The following ATXN10 variants were observed in gnomAD, a reference collection of about 807,000 sequenced individuals.
The protein encoded by ATXN10 is ataxin-10.
A neutral mutation model predicts 52.9 loss-of-function variants in ATXN10; 28 were observed. The observed-to-expected ratio is 0.53, with a 90% confidence interval of 0.39 to 0.73. The LOEUF (loss-of-function observed/expected upper bound fraction) is 0.73. ATXN10 is among the 30% of genes least tolerant of loss of function. The pLI is 0.00. For missense variants in ATXN10, 565 were observed against 577.0 expected (o/e 0.98, Z 0.21); for synonymous variants, 226 against 221.5 (o/e 1.02, Z -0.18).
In ATXN10 at chr22:45,780,408, G is replaced by GGT. The variant is rs1247061228; in HGVS notation, c.1174-26547_1174-26546dup. ...GGACTGTTTGCTCTCATGAGAGCAG[G>GGT]GTGTGAAAGCCCCCTTGTTGCCTGT... On this transcript the variant is annotated intron_variant, in intron 9 of 11. Transcript: ENST00000252934. The surrounding 1 kb of genome is among the most constrained non-coding windows in gnomAD (Gnocchi z 4.0). 6.6e-6 allele frequency among the ~76,000 whole-genome samples: 1 copy of GGT among 152,180 alleles called. No homozygotes were observed. The highest frequency in any genetic ancestry group is 2.4e-5 in the African/African-American group (1 of 41,442).
At chr22:45,812,503 A>G (rs1366900128) in intron 10 of ATXN10, among the ~76,000 whole-genome samples, 1 of 152,204 alleles carries the variant, frequency 6.6e-6, no homozygotes, top group Non-Finnish European at 1.5e-5. Flanking sequence ...TTCTAAGCTC[A>G]AGAGAAATGT....
chr22:45,798,359 A>G (rs915323041), intron 9 of ATXN10, among the ~76,000 whole-genome samples: 1 of 152,246 alleles, frequency 6.6e-6, no homozygotes, highest in Non-Finnish European at 1.5e-5. Context: ...TCAGCCGTGC[A>G]CTGTTGGTTT....
intron 9 of ATXN10, among the ~76,000 whole-genome samples, chr22:45,756,216 C>T (rs1286067995): frequency 6.6e-6 from 1 of 152,104 alleles, no homozygotes; most frequent in East Asian, 1.9e-4. Flanking sequence ...TGTGAACGGG[C>T]TCACTGTAGC....
Position 45,781,548 on chromosome 22 carries a change from A to G in ATXN10, c.1174-25411A>G, listed in dbSNP as rs956136368. 9.2e-5 allele frequency among the ~76,000 whole-genome samples: 14 copies of G among 152,308 alleles called. No homozygotes were observed. Among genetic ancestry groups the G allele is most frequent in the African/African-American group, 2.9e-4 (12 of 41,564 alleles). On this transcript the variant is annotated intron_variant, in intron 9 of 11. Coordinates refer to ENST00000252934, the MANE Select transcript of ATXN10 (RefSeq NM_013236.4). This position sits in a 1 kb window ranked among gnomAD's most constrained non-coding sequence, Gnocchi z 4.2. Reference sequence around the variant, plus strand: ...CAGTCTTCTCATACCACTACACCCAAATGTTTAGAGTACAATTTAAAATCA... The same window carrying G: ...CAGTCTTCTCATACCACTACACCCAGATGTTTAGAGTACAATTTAAAATCA...
intron 6 of ATXN10, among the ~76,000 whole-genome samples, chr22:45,722,314 A>G (rs554559967): frequency 6.6e-6 from 1 of 152,156 alleles, no homozygotes; most frequent in Non-Finnish European, 1.5e-5. Context: ...AGTGTCTGGT[A>G]GGGAGACCCG....
intron 9 of ATXN10, among the ~76,000 whole-genome samples, chr22:45,760,756 A>G (rs953466285): frequency 3.9e-5 from 6 of 152,116 alleles, no homozygotes; most frequent in African/African-American, 1.2e-4. Flanking sequence ...AGTGTACCCA[A>G]GGCCACACAG....
chr22:45,727,331 ATATCTATCTATC>A lies in ATXN10; in HGVS notation c.729-2060_729-2049del, dbSNP rs71315146. On this transcript the variant is annotated intron_variant, in intron 6 of 11. Transcript: ENST00000252934. The surrounding 1 kb of genome is among the most constrained non-coding windows in gnomAD (Gnocchi z 4.6). ...GTTCTGTCTGTCTGTCTATCTATCT[ATATCTATCTATC>A]TATCTATCTATCTATCTATCTATCT... Among the ~76,000 whole-genome samples the A allele has an allele frequency of 5.0e-4, 74 of 146,678 alleles. No individual in the cohort carries two copies. Among genetic ancestry groups the A allele is most frequent in the Admixed American group, 1.6e-3 (23 of 14,588 alleles).
intron 6 of ATXN10, among the ~76,000 whole-genome samples, chr22:45,720,136 T>G (rs1924593971): frequency 6.6e-6 from 1 of 152,172 alleles, no homozygotes; most frequent in African/African-American, 2.4e-5. Context: ...CCACTTTACC[T>G]TTTCAGTTCA....
intron 9 of ATXN10, among the ~76,000 whole-genome samples, chr22:45,797,470 G>C (rs1927784095): frequency 6.6e-6 from 1 of 152,196 alleles, no homozygotes; most frequent in African/African-American, 2.4e-5. Flanking sequence ...ACATGTCATA[G>C]ACACAACCAT....
chr22:45,703,538 G>T (rs1923922099), intron 5 of ATXN10, among the ~76,000 whole-genome samples: 2 of 152,054 alleles, frequency 1.3e-5, no homozygotes, highest in Non-Finnish European at 2.9e-5. Flanking sequence ...CCATGTTTTA[G>T]GCGCACACAC....
At chr22:45,723,046 T>C (rs1924719611) in intron 6 of ATXN10, among the ~76,000 whole-genome samples, 1 of 152,060 alleles carries the variant, frequency 6.6e-6, no homozygotes, top group Non-Finnish European at 1.5e-5. Context: ...CATTATGTAA[T>C]CCAATTTAAA....
intron 9 of ATXN10, among the ~76,000 whole-genome samples, chr22:45,761,525 A>T (rs889335491): frequency 6.6e-6 from 1 of 152,228 alleles, no homozygotes; most frequent in African/African-American, 2.4e-5. Context: ...ACCAACCTTT[A>T]TGGAAGACTA....
At position 45,843,289 on chromosome 22, in the gene ATXN10, T is replaced by C. The variant is rs567050744; in HGVS notation, c.1425+111T>C. The C allele has an allele frequency of 3.8e-5, 48 of 1,247,748 alleles. No individual in the cohort carries two copies. The Admixed American group carries it at 6.0e-4, about 16-fold the overall frequency. 77.3% of individuals were successfully genotyped at this position (1,247,748 alleles called of 1,614,324 possible). A position where few individuals can be genotyped will look rare whatever the true frequency, so the allele number is the denominator to read the frequency against. On this transcript the variant is annotated intron_variant, in intron 11 of 11. Coordinates refer to ENST00000252934, the MANE Select transcript of ATXN10 (RefSeq NM_013236.4). The surrounding 1 kb of genome is among the most constrained non-coding windows in gnomAD (Gnocchi z 4.5). Reference sequence around the variant, plus strand: ...TGTAAGAATATGGATGGGAGAATTGTGCCCTCTATAGTGGTTTACCGAGGA... The same window carrying C: ...TGTAAGAATATGGATGGGAGAATTGCGCCCTCTATAGTGGTTTACCGAGGA...
In ATXN10 at chr22:45,772,682, G is replaced by A. The variant is rs192234713; in HGVS notation, c.1173+32144G>A. ...CTTACTGTGTTGAGTCTTCCAATCC[G>A]TGAACCAGGAATGTCTTTCTATTTA... is the stretch of plus-strand genomic sequence containing the variant. On this transcript the variant is annotated intron_variant, in intron 9 of 11. Coordinates refer to ENST00000252934, the MANE Select transcript of ATXN10 (RefSeq NM_013236.4). The surrounding 1 kb of genome is among the most constrained non-coding windows in gnomAD (Gnocchi z 4.1). 1.2e-4 allele frequency among the ~76,000 whole-genome samples: 19 copies of A among 152,256 alleles called. No individual in the cohort carries two copies. Among genetic ancestry groups the A allele is most frequent in the African/African-American group, 4.3e-4 (18 of 41,542 alleles).
rs904924522 is a variant in ATXN10 at position 45,843,898 on chromosome 22, G to A, written c.*227G>A. ...CTGTGTGGTTTGCCTTTGTCCCCCTGGATAGAACGTGCATTTAAAGAATAT... is the reference window on the plus strand; with the variant it reads ...CTGTGTGGTTTGCCTTTGTCCCCCTAGATAGAACGTGCATTTAAAGAATAT... On this transcript the variant is annotated 3_prime_UTR_variant, in exon 12 of 12. Transcript: ENST00000252934. This position sits in a 1 kb window ranked among gnomAD's most constrained non-coding sequence, Gnocchi z 4.5. The A allele has an allele frequency of 1.0e-5, 6 of 587,244 alleles. No individual in the cohort carries two copies. The highest frequency in any genetic ancestry group is 1.8e-5 in the Non-Finnish European group (6 of 330,924). The allele number at this position is 587,244 out of a possible 1,614,324, so 36.4% of individuals were successfully genotyped here. A position where few individuals can be genotyped will look rare whatever the true frequency, so the allele number is the denominator to read the frequency against.
intron 3 of ATXN10, 129 bp downstream of exon 3, chr22:45,693,207 G>T: frequency 1.3e-6 from 1 of 785,416 alleles, no homozygotes; most frequent in South Asian, 1.5e-5. Context: ...CTTTAATAGT[G>T]AATTATTAAA....
At chr22:45,713,378 A>C (rs2146767852) in intron 5 of ATXN10, among the ~76,000 whole-genome samples, 1 of 152,348 alleles carries the variant, frequency 6.6e-6, no homozygotes, top group South Asian at 2.1e-4. Context: ...TGTAAAGTGT[A>C]GTTAGTGCTT....
intron 9 of ATXN10, among the ~76,000 whole-genome samples, chr22:45,776,655 A>G (rs768562180): frequency 6.6e-6 from 1 of 152,152 alleles, no homozygotes; most frequent in Non-Finnish European, 1.5e-5. Flanking sequence ...GGGCAAGAGT[A>G]ATTGAGCCCT....
In ATXN10 at chr22:45,759,319, C is replaced by T. The variant is rs772769226; in HGVS notation, c.1173+18781C>T. On this transcript the variant is annotated intron_variant, in intron 9 of 11. Coordinates refer to ENST00000252934, the MANE Select transcript of ATXN10 (RefSeq NM_013236.4). The surrounding 1 kb of genome is among the most constrained non-coding windows in gnomAD (Gnocchi z 5.4). ...CTGAGGTCAGGAGTTCAAGACCAGC[C>T]TGGCTAACATGGTGAAACCCTGTCT... is the stretch of plus-strand genomic sequence containing the variant. Among the ~76,000 whole-genome samples the T allele has an allele frequency of 7.2e-5, 11 of 152,170 alleles. No homozygotes were observed. The highest frequency in any genetic ancestry group is 1.2e-4 in the Non-Finnish European group (8 of 68,038).
Sources: allele counts gnomAD v4.1 joint callset (sites outside exome capture counted in the v4.1 genomes callset), GRCh38; gene constraint gnomAD v4.1.1; non-coding constraint Gnocchi (gnomAD v3.1); transcripts MANE v1.5; gene names NCBI Gene and HGNC (gene_info 2026-07-23, HGNC 2026-07-21).